Variants in SLC24A2 observed in about 807,000 individuals in gnomAD.
SLC24A2 encodes the protein sodium/potassium/calcium exchanger 2.
In SLC24A2, 36 loss-of-function variants were observed where a neutral mutation model predicts 62.0. That is an observed-to-expected ratio of 0.58 (90% CI 0.44 to 0.77). SLC24A2 has a LOEUF of 0.77. Ranked by LOEUF, SLC24A2 falls within the 30% of genes least tolerant of loss-of-function variation. The probability of loss-of-function intolerance (pLI) is 0.00; values close to 1 mark genes in which losing one functional copy is unlikely to be tolerated. For missense variants in SLC24A2, 846 were observed against 817.9 expected (o/e 1.03, Z -0.42); for synonymous variants, 358 against 294.0 (o/e 1.22, Z -2.23).
intron 2 of SLC24A2, among the ~76,000 whole-genome samples, chr9:19,729,973 G>C (rs1394350113): frequency 6.6e-6 from 1 of 151,872 alleles, no homozygotes; most frequent in Non-Finnish European, 1.5e-5. Context: ...AACATCACTA[G>C]GTACCCTATG....
the SLC24A2 span, among the ~76,000 whole-genome samples, chr9:19,922,542 G>T: frequency 6.6e-6 from 1 of 152,154 alleles, no homozygotes; most frequent in African/African-American, 2.4e-5. Context: ...AAGAATGACA[G>T]CTATGAAAAA....
chr9:19,673,844 A>C (rs1819490176), intron 2 of SLC24A2, among the ~76,000 whole-genome samples: 1 of 152,122 alleles, frequency 6.6e-6, no homozygotes, highest in African/African-American at 2.4e-5. Flanking sequence ...TTTTAAGTGG[A>C]GTATTTAGGC....
chr9:19,850,946 CATATATAT>C, the SLC24A2 span, among the ~76,000 whole-genome samples: 7 of 24,720 alleles, frequency 2.8e-4, no homozygotes, highest in Non-Finnish European at 6.0e-4. Flanking sequence ...TATATATATA[CATATATAT>C]ATATATATAT....
chr9:19,517,698 T>A (rs1056624878), intron 10 of SLC24A2, among the ~76,000 whole-genome samples: 1 of 151,910 alleles, frequency 6.6e-6, no homozygotes, highest in Admixed American at 6.6e-5. Context: ...GGGGAGGGGT[T>A]CCAAGCTTGG....
At chr9:20,294,580 C>T in the SLC24A2 span, among the ~76,000 whole-genome samples, 1 of 152,172 alleles carries the variant, frequency 6.6e-6, no homozygotes, top group African/African-American at 2.4e-5. Context: ...TTGAAAATGA[C>T]AACTCTGTAT....
chr9:19,850,382 A>G, the SLC24A2 span, among the ~76,000 whole-genome samples: 1 of 152,184 alleles, frequency 6.6e-6, no homozygotes, highest in Admixed American at 6.5e-5. Flanking sequence ...CCATCTAGAT[A>G]ACAAACTTTT....
At chr9:20,212,487 C>T in the SLC24A2 span, among the ~76,000 whole-genome samples, 6 of 151,756 alleles carry the variant, frequency 4.0e-5, no homozygotes, top group Non-Finnish European at 2.9e-5. Flanking sequence ...CCCATCTCTA[C>T]TAAAAATACA....
At chr9:20,095,642 A>G in the SLC24A2 span, among the ~76,000 whole-genome samples, 1 of 151,998 alleles carries the variant, frequency 6.6e-6, no homozygotes, top group Non-Finnish European at 1.5e-5. Context: ...AGACCTTAGG[A>G]CTTACCCATT....
At chr9:19,569,624 C>T (rs1342787281) in intron 7 of SLC24A2, among the ~76,000 whole-genome samples, 3 of 152,146 alleles carry the variant, frequency 2.0e-5, no homozygotes, top group Non-Finnish European at 4.4e-5. Context: ...ACCCTCCTTC[C>T]CTCAAATGCA....
chr9:19,542,998 T>G (rs1834352882), intron 8 of SLC24A2, among the ~76,000 whole-genome samples: 1 of 152,216 alleles, frequency 6.6e-6, no homozygotes, highest in African/African-American at 2.4e-5. Flanking sequence ...TTGAAATGGT[T>G]TCAGAAGGAA....
At chr9:19,557,877 G>A (rs1008422207) in intron 7 of SLC24A2, among the ~76,000 whole-genome samples, 10 of 150,616 alleles carry the variant, frequency 6.6e-5, no homozygotes, top group African/African-American at 2.5e-4. Flanking sequence ...AGAGTGCAGT[G>A]GCATGATCTC....
chr9:19,841,045 A>C, the SLC24A2 span, among the ~76,000 whole-genome samples: 2 of 152,240 alleles, frequency 1.3e-5, no homozygotes, highest in South Asian at 2.1e-4. Flanking sequence ...TAGACTTTTC[A>C]ATCACCATTG....
intron 9 of SLC24A2, among the ~76,000 whole-genome samples, chr9:19,523,114 T>G (rs1041417014): frequency 4.6e-5 from 7 of 152,218 alleles, no homozygotes; most frequent in Admixed American, 4.6e-4. Flanking sequence ...CCTGGACATT[T>G]GAGACCAGAC....
At chr9:19,926,023 C>T in the SLC24A2 span, 1 of 152,134 alleles carries the variant, frequency 6.6e-6, no homozygotes, top group Non-Finnish European at 1.5e-5. Flanking sequence ...CAGAAAAGGG[C>T]CTGTTTTCCT....
At chr9:19,553,174 G>A (rs2132760177) in intron 7 of SLC24A2, among the ~76,000 whole-genome samples, 1 of 152,180 alleles carries the variant, frequency 6.6e-6, no homozygotes, top group East Asian at 1.9e-4. Context: ...TGGCTCAATG[G>A]GAGGCAGTTT....
At chr9:19,560,563 A>G (rs1835338785) in intron 7 of SLC24A2, among the ~76,000 whole-genome samples, 2 of 152,156 alleles carry the variant, frequency 1.3e-5, no homozygotes. Flanking sequence ...CCAAAACGGA[A>G]GCCCTTACCA....
rs1836785183 is a variant in SLC24A2, at chr9:19,599,317, T to C, written c.1079-2038A>G. ...CGCTTCTTAGCTGCTTCCTTGGATA[T>C]GATGAATGAGACTGAAGAACAAGAA... On this transcript the variant is annotated intron_variant, in intron 4 of 10. Transcript: ENST00000341998. This position sits in a 1 kb window ranked among gnomAD's most constrained non-coding sequence, Gnocchi z 4.5. Among the ~76,000 whole-genome samples the C allele has an allele frequency of 6.6e-6, 1 of 152,138 alleles. No individual in the cohort carries two copies. The highest frequency in any genetic ancestry group is 2.1e-4 in the South Asian group (1 of 4,826).
At chr9:19,710,915 T>C (rs1293378045) in intron 2 of SLC24A2, among the ~76,000 whole-genome samples, 1 of 152,208 alleles carries the variant, frequency 6.6e-6, no homozygotes, top group Non-Finnish European at 1.5e-5. Flanking sequence ...AGATTGGTGA[T>C]TAACTGGAAG....
the SLC24A2 span, among the ~76,000 whole-genome samples, chr9:20,162,675 CAA>C: frequency 1.3e-5 from 2 of 151,610 alleles, no homozygotes; most frequent in Non-Finnish European, 2.9e-5. Flanking sequence ...GAGACACAAC[CAA>C]AAAAGAGAAT....
Sources: allele counts gnomAD v4.1 joint callset (sites outside exome capture counted in the v4.1 genomes callset), GRCh38; gene constraint gnomAD v4.1.1; non-coding constraint Gnocchi (gnomAD v3.1); transcripts MANE v1.5; gene names NCBI Gene and HGNC (gene_info 2026-07-23, HGNC 2026-07-21).